AFF3: variants seen among roughly 807,000 people sequenced by gnomAD.
AFF3 encodes the protein AF4/FMR2 family member 3.
Under a neutral mutation model 129.7 loss-of-function variants are expected in AFF3, and 32 were observed. The observed-to-expected ratio is 0.25, with a 90% CI of 0.19 to 0.33. The LOEUF (loss-of-function observed/expected upper bound fraction) is 0.33. Ranked by LOEUF, AFF3 falls within the 10% of genes least tolerant of loss-of-function variation. AFF3 has a pLI of 1.00. For synonymous variants in AFF3, 644 were observed against 635.4 expected (o/e 1.01, Z -0.20); for missense variants, 1,373 against 1,592.0 (o/e 0.86, Z 2.34).
chr2:100,074,028 T>C lies in AFF3; in HGVS notation c.53+30374A>G, dbSNP rs1332187682. 2.6e-5 allele frequency among the ~76,000 whole-genome samples: 4 copies of C among 152,126 alleles called. 1 individual carries two copies. The South Asian group carries it at 8.3e-4, about 32-fold the overall frequency. ...TCTCACAAGTCAGAAGGAGACTGAG[T>C]AGAAAACTGCGAACGACCACCACCC... On this transcript the variant is annotated intron_variant, in intron 4 of 24. Transcript: ENST00000672756.
intron 8 of AFF3, among the ~76,000 whole-genome samples, chr2:99,801,719 C>T (rs1685959175): frequency 6.6e-6 from 1 of 152,204 alleles, no homozygotes; most frequent in Non-Finnish European, 1.5e-5. Flanking sequence ...AATTATGTCC[C>T]TGAATCCCAG....
chr2:99,917,337 C>T (rs1248501350), intron 7 of AFF3, among the ~76,000 whole-genome samples: 2 of 152,146 alleles, frequency 1.3e-5, no homozygotes, highest in Non-Finnish European at 2.9e-5. Flanking sequence ...AGCCAGAGGG[C>T]AGGAGATCCT....
chr2:100,119,388 G>C (rs931688898), intron 2 of AFF3, among the ~76,000 whole-genome samples: 2 of 152,024 alleles, frequency 1.3e-5, no homozygotes, highest in Non-Finnish European at 2.9e-5. Flanking sequence ...CCCACTGTTG[G>C]GCATTTGAAA....
intron 8 of AFF3, among the ~76,000 whole-genome samples, chr2:99,826,731 G>A (rs935741625): frequency 1.2e-4 from 18 of 152,168 alleles, no homozygotes; most frequent in Admixed American, 8.5e-4. Flanking sequence ...CAGCATGTGC[G>A]ACTCTGCAAA....
intron 11 of AFF3, chr2:99,707,214 A>C: frequency 1.0e-6 from 1 of 985,460 alleles, no homozygotes; most frequent in Non-Finnish European, 1.2e-6. Flanking sequence ...ACAGTTAAAA[A>C]GCCATCTCCT....
At chr2:99,825,841 A>C (rs1486931404) in intron 8 of AFF3, among the ~76,000 whole-genome samples, 2 of 152,134 alleles carry the variant, frequency 1.3e-5, no homozygotes, top group African/African-American at 4.8e-5. Flanking sequence ...CCAATTGTAC[A>C]ATGTGTTCTA....
chr2:99,819,956 C>A (rs1241681052), intron 8 of AFF3, among the ~76,000 whole-genome samples: 2 of 152,190 alleles, frequency 1.3e-5, no homozygotes, highest in Non-Finnish European at 1.5e-5. Flanking sequence ...CAGGAGGTGC[C>A]AGTCATCATA....
At position 100,064,589 on chromosome 2, in the gene AFF3, A is replaced by G. The variant is rs533120039; in HGVS notation, c.53+39813T>C. Among the ~76,000 whole-genome samples, 22 of 152,358 alleles carry G rather than the reference A, an allele frequency of 1.4e-4. No individual in the cohort carries two copies. In the East Asian group the frequency reaches 3.9e-3, roughly 27 times the overall value. On this transcript the variant is annotated intron_variant, in intron 4 of 24. Transcript: ENST00000672756. ...GACATGTGAGTTAGCCTTCCTCAAC[A>G]AAAAGCTTGTGATAAATTCCTGTTA... is the stretch of plus-strand genomic sequence containing the variant.
At chr2:99,862,841 C>T (rs545562595) in intron 7 of AFF3, among the ~76,000 whole-genome samples, 2 of 152,368 alleles carry the variant, frequency 1.3e-5, no homozygotes, top group Non-Finnish European at 2.9e-5. Flanking sequence ...CTTCCTGTCC[C>T]TCTTTTATTA....
intron 19 of AFF3, among the ~76,000 whole-genome samples, chr2:99,565,978 A>G (rs1220577202): frequency 6.6e-6 from 1 of 152,222 alleles, no homozygotes; most frequent in Admixed American, 6.5e-5. Context: ...AATATGCATC[A>G]AAGTTGGTAG....
At chr2:100,101,121 G>C (rs1690691906) in intron 4 of AFF3, among the ~76,000 whole-genome samples, 1 of 152,150 alleles carries the variant, frequency 6.6e-6, no homozygotes, top group Non-Finnish European at 1.5e-5. Flanking sequence ...GATAATTCAG[G>C]CTCAAAAAAC....
chr2:99,772,860 C>A (rs886339865), intron 8 of AFF3, among the ~76,000 whole-genome samples: 2 of 152,188 alleles, frequency 1.3e-5, no homozygotes, highest in Non-Finnish European at 2.9e-5. Context: ...TCCCCAAATG[C>A]CTTTCCTGCC....
chr2:99,559,787 T>C (rs1269510402), intron 21 of AFF3, among the ~76,000 whole-genome samples: 1 of 152,212 alleles, frequency 6.6e-6, no homozygotes, highest in African/African-American at 2.4e-5. Context: ...TGAGACCTTT[T>C]TTGTGTCTGT....
At chr2:99,560,309 G>A in intron 21 of AFF3, 56 bp downstream of exon 21, 1 of 1,570,254 alleles carries the variant, frequency 6.4e-7, no homozygotes, top group Non-Finnish European at 8.8e-7. Flanking sequence ...CACCTGGTTT[G>A]CCAATGATGG....
At chr2:99,905,604 A>G (rs540008445) in intron 7 of AFF3, among the ~76,000 whole-genome samples, 1 of 152,242 alleles carries the variant, frequency 6.6e-6, no homozygotes, top group East Asian at 1.9e-4. Flanking sequence ...ATTTCTGCGT[A>G]TTGGCACAAA....
chr2:99,790,682 T>A (rs1414752530), intron 8 of AFF3, among the ~76,000 whole-genome samples: 2 of 152,136 alleles, frequency 1.3e-5, no homozygotes, highest in Non-Finnish European at 2.9e-5. Context: ...CATCCTACAG[T>A]GCATAGGAGA....
chr2:99,815,908 T>C (rs1407196116), intron 8 of AFF3, among the ~76,000 whole-genome samples: 1 of 152,006 alleles, frequency 6.6e-6, no homozygotes, highest in East Asian at 1.9e-4. Flanking sequence ...TGTGGTTTGG[T>C]GTCTGTCACT....
chr2:100,107,086 G>A (rs1486217601), intron 2 of AFF3: 3 of 985,320 alleles, frequency 3.0e-6, no homozygotes, highest in South Asian at 4.7e-5. Context: ...TCTGTTTGGG[G>A]CCTCTAACAT....
At chr2:99,949,094 G>A (rs1416798335) in intron 7 of AFF3, among the ~76,000 whole-genome samples, 2 of 152,248 alleles carry the variant, frequency 1.3e-5, no homozygotes, top group Admixed American at 1.3e-4. Context: ...TCCTAGCTCT[G>A]CCACTTTCAA....
Sources: allele counts gnomAD v4.1 joint callset (sites outside exome capture counted in the v4.1 genomes callset), GRCh38; gene constraint gnomAD v4.1.1; transcripts MANE v1.5; gene names NCBI Gene and HGNC (gene_info 2026-07-23, HGNC 2026-07-21).